The following PLD5 variants were observed in gnomAD, a reference collection of about 807,000 sequenced individuals.
PLD5 encodes inactive phospholipase D5.
PLD5 carries 36 observed loss-of-function variants against 61.1 expected under a neutral mutation model. That is an observed-to-expected ratio of 0.59 (90% CI 0.45 to 0.78). The LOEUF is 0.78. Among genes scored for constraint, PLD5 ranks in the 30% least tolerant of loss-of-function variants. PLD5 has a pLI of 0.00. For synonymous variants in PLD5, 243 were observed against 242.8 expected (o/e 1.00, Z -0.01); for missense variants, 515 against 644.4 (o/e 0.80, Z 2.17).
At position 242,165,024 on chromosome 1, in the gene PLD5, G is replaced by A. The variant is rs1336156688; in HGVS notation, c.736-40359C>T. 2.0e-5 allele frequency among the ~76,000 whole-genome samples: 3 copies of A among 152,138 alleles called. No individual in the cohort carries two copies. In the East Asian group the frequency reaches 5.8e-4, roughly 29 times the overall value. ...TTATCTTACAAAAGCTTTTCCCTAAGGTGGAATAAAAACTCCACAGGGGAT... is the reference window on the plus strand; with the variant it reads ...TTATCTTACAAAAGCTTTTCCCTAAAGTGGAATAAAAACTCCACAGGGGAT... On this transcript the variant is annotated intron_variant, in intron 5 of 9. Coordinates refer to ENST00000536534, the MANE Select transcript of PLD5 (RefSeq NM_001372062.1).
chr1:242,098,760 T>G (rs1053407756), intron 9 of PLD5, among the ~76,000 whole-genome samples: 8 of 152,198 alleles, frequency 5.3e-5, no homozygotes, highest in African/African-American at 1.9e-4. Context: ...TTTCTGTTTG[T>G]TAGTTTTCCT....
intron 3 of PLD5, 129 bp from the exon 4 acceptor site, chr1:242,265,577 T>A: frequency 1.3e-6 from 1 of 778,224 alleles, no homozygotes; most frequent in Non-Finnish European, 2.0e-6. Flanking sequence ...TTTCAACAAC[T>A]GGTATTCAGA....
intron 5 of PLD5, among the ~76,000 whole-genome samples, chr1:242,162,473 GC>G (rs1382217307): frequency 6.6e-6 from 1 of 152,068 alleles, no homozygotes; most frequent in Non-Finnish European, 1.5e-5. Context: ...AACCTAAAAT[GC>G]AAAGAAAATT....
intron 6 of PLD5, among the ~76,000 whole-genome samples, chr1:242,119,708 C>A (rs548966566): frequency 7.6e-4 from 116 of 152,256 alleles, no homozygotes; most frequent in South Asian, 2.3e-3. Context: ...GAAATAAAAA[C>A]TCTCATATAT....
chr1:242,486,621 A>G (rs1667970238), intron 1 of PLD5, among the ~76,000 whole-genome samples: 1 of 152,192 alleles, frequency 6.6e-6, no homozygotes, highest in Non-Finnish European at 1.5e-5. Flanking sequence ...TGAGACTGTA[A>G]ACTAGTTCAA....
At chr1:242,100,300 T>C (rs1354491541) in intron 9 of PLD5, among the ~76,000 whole-genome samples, 1 of 152,222 alleles carries the variant, frequency 6.6e-6, no homozygotes, top group Admixed American at 6.5e-5. Flanking sequence ...CCATCACTCA[T>C]GTCAGGCTGG....
chr1:242,509,675 T>C (rs1484804378), intron 1 of PLD5, among the ~76,000 whole-genome samples: 2 of 152,212 alleles, frequency 1.3e-5, no homozygotes, highest in African/African-American at 2.4e-5. Flanking sequence ...TACCTCATTT[T>C]GTAACATTCC....
At chr1:242,514,980 C>T (rs780560941) in intron 1 of PLD5, among the ~76,000 whole-genome samples, 6 of 152,240 alleles carry the variant, frequency 3.9e-5, no homozygotes, top group Non-Finnish European at 7.4e-5. Flanking sequence ...GGGCACTGTA[C>T]GCATTTTATT....
intron 1 of PLD5, among the ~76,000 whole-genome samples, chr1:242,388,820 G>A (rs1453989520): frequency 1.3e-5 from 2 of 152,084 alleles, no homozygotes; most frequent in Non-Finnish European, 2.9e-5. Context: ...ACTGGGCGTG[G>A]TGGCGGGGGC....
At chr1:242,370,580 T>A (rs965799550) in intron 1 of PLD5, among the ~76,000 whole-genome samples, 1 of 152,188 alleles carries the variant, frequency 6.6e-6, no homozygotes, top group Admixed American at 6.5e-5. Flanking sequence ...CCAGTTCTGG[T>A]GTCTCCCACC....
At chr1:242,276,336 A>T (rs1674408618) in intron 3 of PLD5, among the ~76,000 whole-genome samples, 1 of 145,262 alleles carries the variant, frequency 6.9e-6, no homozygotes, top group Admixed American at 7.2e-5. Context: ...GACCTTTTTC[A>T]TATATTCATA....
chr1:242,420,749 T>C (rs1185714039), intron 1 of PLD5, among the ~76,000 whole-genome samples: 1 of 152,172 alleles, frequency 6.6e-6, no homozygotes, highest in Non-Finnish European at 1.5e-5. Context: ...ATGAATGCAG[T>C]GGTATGTAGC....
chr1:242,477,692 G>A (rs1305417471), intron 1 of PLD5, among the ~76,000 whole-genome samples: 1 of 152,174 alleles, frequency 6.6e-6, no homozygotes, highest in East Asian at 1.9e-4. Context: ...ATTAACTGGT[G>A]GTGCAGAGGA....
rs1166939773 is a variant in PLD5, at chr1:242,167,082, TAATA to T, written c.736-42421_736-42418del. Among the ~76,000 whole-genome samples, 149 of 52,516 alleles carry T rather than the reference TAATA, an allele frequency of 2.8e-3. 3 individuals carry two copies. In the South Asian group the frequency reaches 0.071, roughly 25 times the overall value. The allele number at this position is 52,516 out of a possible 152,430, so 34.5% of individuals were successfully genotyped here. A position where few individuals can be genotyped will look rare whatever the true frequency, so the allele number is the denominator to read the frequency against. On this transcript the variant is annotated intron_variant, in intron 5 of 9. Coordinates refer to ENST00000536534, the MANE Select transcript of PLD5 (RefSeq NM_001372062.1). ...GAGTGAGAGACAATAATAATAGTAA[TAATA>T]ATAATAATAATAATAATAATAATAA...
At chr1:242,319,186 T>C (rs1325276014) in intron 2 of PLD5, among the ~76,000 whole-genome samples, 1 of 152,128 alleles carries the variant, frequency 6.6e-6, no homozygotes. Flanking sequence ...TCACCCACTT[T>C]TTATTTTGCC....
intron 9 of PLD5, among the ~76,000 whole-genome samples, chr1:242,094,181 G>T (rs1660050646): frequency 6.6e-6 from 1 of 151,660 alleles, no homozygotes; most frequent in African/African-American, 2.4e-5. Flanking sequence ...GGCCCCAGTT[G>T]CCAGGAGAAC....
chr1:242,356,750 C>T (rs1362135542), intron 1 of PLD5, among the ~76,000 whole-genome samples: 1 of 152,034 alleles, frequency 6.6e-6, no homozygotes, highest in African/African-American at 2.4e-5. Context: ...GAATATCTTA[C>T]ACTTATAACA....
Position 242,207,866 on chromosome 1 carries a change from A to T in PLD5, c.735+12122T>A, listed in dbSNP as rs868340208. ...TTTATATATATTTATATATTTATAT[A>T]TTTATATATATTTATATATTTATAT... is the stretch of plus-strand genomic sequence containing the variant. On this transcript the variant is annotated intron_variant, in intron 5 of 9. Coordinates refer to ENST00000536534, the MANE Select transcript of PLD5 (RefSeq NM_001372062.1). Among the ~76,000 whole-genome samples the T allele has an allele frequency of 2.0e-3, 36 of 18,172 alleles. 8 individuals carry two copies. In the East Asian group the frequency reaches 0.028, roughly 14 times the overall value. 11.9% of individuals were successfully genotyped at this position (18,172 alleles called of 152,430 possible).
In PLD5 at chr1:242,253,305, CTTT is replaced by C. The variant is rs1181235404; in HGVS notation, c.607+12029_607+12031del. On this transcript the variant is annotated intron_variant, in intron 4 of 9. Coordinates refer to ENST00000536534, the MANE Select transcript of PLD5 (RefSeq NM_001372062.1). Reference sequence around the variant, plus strand: ...AATCACCACACCCAGCCTCTCTTCACTTTTTTTTTTTTTTTTTTTTTTTTTAAG... The same window carrying C: ...AATCACCACACCCAGCCTCTCTTCACTTTTTTTTTTTTTTTTTTTTTTAAG... 6.1e-4 allele frequency among the ~76,000 whole-genome samples: 43 copies of C among 70,692 alleles called. 1 individual carries two copies. The highest frequency in any genetic ancestry group is 1.2e-3 in the African/African-American group (22 of 18,736). 46.4% of individuals were successfully genotyped at this position (70,692 alleles called of 152,430 possible). A position where few individuals can be genotyped will look rare whatever the true frequency, so the allele number is the denominator to read the frequency against.
Sources: gnomAD v4.1 joint callset for allele counts (sites outside exome capture counted in the v4.1 genomes callset) on GRCh38, gnomAD v4.1.1 for gene constraint, MANE v1.5 for transcripts, NCBI Gene and HGNC (gene_info 2026-07-23, HGNC 2026-07-21) for gene names.